The following ATP11C variants were observed in gnomAD, a reference collection of about 807,000 sequenced individuals.
ATP11C encodes phospholipid-transporting ATPase IG.
Under a neutral mutation model 97.4 loss-of-function variants are expected in ATP11C, and 36 were observed. The observed-to-expected ratio is 0.37, with a 90% CI of 0.28 to 0.49. The LOEUF is 0.49. Among genes scored for constraint, ATP11C ranks in the 20% least tolerant of loss-of-function variants. ATP11C has a pLI of 0.98. For missense variants in ATP11C, 730 were observed against 824.6 expected, an observed-to-expected ratio of 0.89 and a Z score of 1.40; for synonymous variants, 275 against 290.9, an observed-to-expected ratio of 0.95 and a Z score of 0.56.
At chrX:139,811,061 ATTGG>A (rs781705505) in intron 5 of ATP11C, among the ~76,000 whole-genome samples, 6 of 111,465 alleles carry the variant, frequency 5.4e-5, no homozygotes, top group Non-Finnish European at 9.4e-5. Flanking sequence ...TGGTTGATTC[ATTGG>A]TTGAAGTACT....
intron 1 of ATP11C, among the ~76,000 whole-genome samples, chrX:139,894,981 AG>A (rs1569487587): frequency 1.8e-5 from 2 of 111,656 alleles, no homozygotes; most frequent in African/African-American, 6.5e-5. Context: ...ACTTGAACCC[AG>A]GAGGCAGAGG....
At chrX:139,931,454 A>C (rs1042754537) in intron 1 of ATP11C, among the ~76,000 whole-genome samples, 5 of 111,662 alleles carry the variant, frequency 4.5e-5, no homozygotes, top group Admixed American at 3.8e-4. Flanking sequence ...CAAACACCCT[A>C]AAGGTGAGCT....
chrX:139,880,664 C>CAAA (rs2084547140), intron 1 of ATP11C, among the ~76,000 whole-genome samples: 1 of 111,679 alleles, frequency 9.0e-6, no homozygotes, highest in African/African-American at 3.3e-5. Context: ...GCTATTGGGT[C>CAAA]AGATTCCCCA....
intron 1 of ATP11C, among the ~76,000 whole-genome samples, chrX:139,833,006 T>C (rs1032594951): frequency 2.3e-4 from 26 of 112,335 alleles, no homozygotes; most frequent in African/African-American, 7.8e-4. Flanking sequence ...GAATTTTTAT[T>C]ACAGTTTAAG....
intron 23 of ATP11C, among the ~76,000 whole-genome samples, chrX:139,756,750 T>A (rs2081942522): frequency 9.1e-6 from 1 of 110,150 alleles, no homozygotes; most frequent in Non-Finnish European, 1.9e-5. Flanking sequence ...TTCTAACTTA[T>A]AAGTGGGAGC....
At chrX:139,843,141 G>A (rs776574272) in intron 1 of ATP11C, among the ~76,000 whole-genome samples, 2 of 112,239 alleles carry the variant, frequency 1.8e-5, no homozygotes, top group East Asian at 2.8e-4. Flanking sequence ...TAAAATTGGC[G>A]AACCCTTACA....
chrX:139,741,622 C>A (rs1429351232), intron 26 of ATP11C, among the ~76,000 whole-genome samples: 1 of 111,644 alleles, frequency 9.0e-6, no homozygotes, highest in Admixed American at 9.5e-5. Context: ...CATCTAACAT[C>A]ATGTAGCAAT....
Position 139,730,740 on chromosome X carries a change from T to C in ATP11C, c.*3+911A>G, listed in dbSNP as rs994593089. On this transcript the variant is annotated intron_variant, in intron 29 of 29. Transcript: ENST00000682941. Reference sequence around the variant, plus strand: ...CCCTGCTTTAAGCTGTGTAGAGTTGTTTCCAAGCTGACAAGCTTGGAAGCC... The same window carrying C: ...CCCTGCTTTAAGCTGTGTAGAGTTGCTTCCAAGCTGACAAGCTTGGAAGCC... Among the ~76,000 whole-genome samples, 23 of 110,882 alleles carry C rather than the reference T, an allele frequency of 2.1e-4. 1 individual carries two copies. The highest frequency in any genetic ancestry group is 4.4e-4 in the Non-Finnish European group (23 of 52,769).
chrX:139,841,493 G>C (rs952251225), intron 1 of ATP11C, among the ~76,000 whole-genome samples: 27 of 112,651 alleles, frequency 2.4e-4, no homozygotes, highest in African/African-American at 8.7e-4. Context: ...CAAGGGCTTG[G>C]AGAAGAAAGC....
intron 5 of ATP11C, among the ~76,000 whole-genome samples, chrX:139,814,094 T>C (rs911329744): frequency 9.0e-6 from 1 of 111,100 alleles, no homozygotes; most frequent in African/African-American, 3.3e-5. Flanking sequence ...CTAAAACTGC[T>C]CTAAAAATAT....
chrX:139,736,754 G>C (rs1304047932), intron 28 of ATP11C, among the ~76,000 whole-genome samples: 2 of 110,959 alleles, frequency 1.8e-5, no homozygotes, highest in Admixed American at 9.6e-5. Context: ...GGGAGTTAAG[G>C]GCAATTCTGG....
intron 1 of ATP11C, among the ~76,000 whole-genome samples, chrX:139,911,667 ACACCC>A (rs1262073802): frequency 9.0e-6 from 1 of 110,881 alleles, no homozygotes; most frequent in Non-Finnish European, 1.9e-5. Context: ...ACACACACAC[ACACCC>A]CACAAGAGAA....
chrX:139,852,210 C>A (rs939835212), intron 1 of ATP11C, among the ~76,000 whole-genome samples: 1 of 110,226 alleles, frequency 9.1e-6, no homozygotes, highest in Non-Finnish European at 1.9e-5. Flanking sequence ...TGTAAGGGTG[C>A]ACCCTTCTAT....
intron 15 of ATP11C, among the ~76,000 whole-genome samples, chrX:139,785,996 CA>C (rs1170495967): frequency 9.0e-6 from 1 of 111,078 alleles, no homozygotes; most frequent in Non-Finnish European, 1.9e-5. Context: ...AAAAACTCAT[CA>C]ATAGGGGAAT....
chrX:139,860,128 AAAAG>A (rs955034440), intron 1 of ATP11C, among the ~76,000 whole-genome samples: 1 of 108,153 alleles, frequency 9.2e-6, no homozygotes, highest in Non-Finnish European at 1.9e-5. Context: ...AAAAAAAAAG[AAAAG>A]AAAGTGCTTA....
At chrX:139,835,393 G>A (rs1006042400) in intron 1 of ATP11C, among the ~76,000 whole-genome samples, 1 of 110,347 alleles carries the variant, frequency 9.1e-6, no homozygotes, top group African/African-American at 3.3e-5. Flanking sequence ...CTAAAATGAA[G>A]CAGGGGAAAG....
chrX:139,763,371 C>T lies in ATP11C; in HGVS notation c.2439G>A (p.Ser813=), dbSNP rs368080537. 5.0e-6 allele frequency: 6 copies of T among 1,209,214 alleles called. No homozygotes were observed. The African/African-American group carries it at 7.0e-5, about 14-fold the overall frequency. The change falls in exon 21 of 30, where the codon TCG becomes TCA. Residue 813 remains serine (S), a synonymous_variant. Transcript: ENST00000682941. ...TAACATCATTGGCACCATCACCTAT[C>T]GACAGAGTTATTGGGCTGCCTTTTA... is the stretch of plus-strand genomic sequence containing the variant. ...KNLKGSPITL[S]IGDGANDVSM... is the part of the protein sequence containing the mutation.
intron 18 of ATP11C, among the ~76,000 whole-genome samples, chrX:139,777,437 T>C (rs754972859): frequency 6.4e-5 from 7 of 109,362 alleles, no homozygotes; most frequent in Non-Finnish European, 1.1e-4. Context: ...ATTGCAGAGC[T>C]TGAAGAACAG....
Position 139,932,189 on chromosome X carries a change from C to T in ATP11C, c.-147G>A, listed in dbSNP as rs1258154971. 1.1e-4 allele frequency: 38 copies of T among 355,092 alleles called. 1 individual carries two copies. The highest frequency in any genetic ancestry group is 1.2e-4 in the Non-Finnish European group (31 of 263,858). The allele number at this position is 355,092 out of a possible 1,213,427, so 29.3% of individuals were successfully genotyped here. A position where few individuals can be genotyped will look rare whatever the true frequency, so the allele number is the denominator to read the frequency against. On this transcript the variant is annotated 5_prime_UTR_variant, in exon 1 of 30. Transcript: ENST00000682941. ...GGCCACCCGCTCGCCGCCTGCCCCC[C>T]TCGGCTCTCCGCGCTCCCCCGCCCC...
Sources: gnomAD v4.1 joint callset for allele counts (sites outside exome capture counted in the v4.1 genomes callset) on GRCh38, gnomAD v4.1.1 for gene constraint, MANE v1.5 for transcripts, NCBI Gene and HGNC (gene_info 2026-07-23, HGNC 2026-07-21) for gene names.